Variants in ZNF804B observed in about 807,000 individuals in gnomAD.
ZNF804B encodes the protein zinc finger protein 804B, also known as zinc finger 804B.
A neutral mutation model predicts 101.4 loss-of-function variants in ZNF804B; 80 were observed. The ratio of observed to expected loss-of-function variants is 0.79; its 90% CI spans 0.66 to 0.95. The LOEUF (loss-of-function observed/expected upper bound fraction) is 0.95, where lower values mean the gene tolerates loss of function less well. Among genes scored for constraint, ZNF804B ranks in the 40% least tolerant of loss-of-function variants. ZNF804B has a pLI of 0.00. For missense variants in ZNF804B, 1,673 were observed against 1,561.9 expected (o/e 1.07, Z -1.20); for synonymous variants, 622 against 558.8 (o/e 1.11, Z -1.59).
chr7:88,997,635 G>T (rs956514287), intron 1 of ZNF804B, among the ~76,000 whole-genome samples: 4 of 151,942 alleles, frequency 2.6e-5, no homozygotes, highest in Non-Finnish European at 5.9e-5. Context: ...TACTGGCAGG[G>T]GCAGCCACCT....
intron 1 of ZNF804B, among the ~76,000 whole-genome samples, chr7:88,861,596 T>C (rs1433193571): frequency 6.6e-6 from 1 of 152,214 alleles, no homozygotes; most frequent in Admixed American, 6.5e-5. Context: ...ATCTGTCACA[T>C]TTTCTACTGT....
At position 89,063,736 on chromosome 7, in the gene ZNF804B, A is replaced by G. The variant is rs376769566; in HGVS notation, c.109-154419A>G. 1.6e-4 allele frequency among the ~76,000 whole-genome samples: 25 copies of G among 152,290 alleles called. No individual in the cohort carries two copies. In the East Asian group the frequency reaches 4.4e-3, roughly 27 times the overall value. On this transcript the variant is annotated intron_variant, in intron 1 of 3. Transcript: ENST00000333190. Reference sequence around the variant, plus strand: ...TCTGCATCAGTGGAGGAAGTCCCCAATATTTAATTCAGTCACCCATTCATT... The same window carrying G: ...TCTGCATCAGTGGAGGAAGTCCCCAGTATTTAATTCAGTCACCCATTCATT...
At chr7:88,925,059 T>C (rs1158777103) in intron 1 of ZNF804B, among the ~76,000 whole-genome samples, 3 of 152,196 alleles carry the variant, frequency 2.0e-5, no homozygotes, top group African/African-American at 7.2e-5. Flanking sequence ...CAAATCTTTG[T>C]TTGTAGTAAT....
chr7:88,781,197 T>C (rs969042169), intron 1 of ZNF804B, among the ~76,000 whole-genome samples: 2 of 152,236 alleles, frequency 1.3e-5, no homozygotes, highest in African/African-American at 4.8e-5. Flanking sequence ...TTCACATTAT[T>C]ATTGAAGAAT....
intron 1 of ZNF804B, among the ~76,000 whole-genome samples, chr7:88,838,663 G>A (rs1218263392): frequency 4.0e-5 from 6 of 151,712 alleles, no homozygotes; most frequent in Non-Finnish European, 7.4e-5. Context: ...GTAAGAGCAG[G>A]GGCTCAGACT....
intron 1 of ZNF804B, among the ~76,000 whole-genome samples, chr7:89,058,103 T>C (rs1789324614): frequency 2.0e-5 from 3 of 152,146 alleles, no homozygotes; most frequent in African/African-American, 7.2e-5. Flanking sequence ...TCATTAACTT[T>C]GATTACACTC....
At chr7:88,881,381 G>A (rs967184093) in intron 1 of ZNF804B, among the ~76,000 whole-genome samples, 1 of 151,892 alleles carries the variant, frequency 6.6e-6, no homozygotes, top group African/African-American at 2.4e-5. Context: ...TTTCTTCTAG[G>A]TGCCCACCCC....
At chr7:88,768,889 G>A (rs893116972) in intron 1 of ZNF804B, among the ~76,000 whole-genome samples, 4 of 152,116 alleles carry the variant, frequency 2.6e-5, no homozygotes, top group Non-Finnish European at 4.4e-5. Flanking sequence ...TCCTATTTTC[G>A]AATTCTAGTT....
intron 1 of ZNF804B, among the ~76,000 whole-genome samples, chr7:89,145,361 A>G (rs1259660231): frequency 6.6e-6 from 1 of 152,060 alleles, no homozygotes; most frequent in Non-Finnish European, 1.5e-5. Flanking sequence ...ACAATAATAT[A>G]AACAGTAAGG....
At chr7:88,825,986 T>A (rs1423422190) in intron 1 of ZNF804B, among the ~76,000 whole-genome samples, 1 of 152,152 alleles carries the variant, frequency 6.6e-6, no homozygotes, top group Non-Finnish European at 1.5e-5. Context: ...AACCAGCAAA[T>A]CTTCTGTGAA....
chr7:89,296,905 C>G (rs1055877617), intron 2 of ZNF804B, among the ~76,000 whole-genome samples: 1 of 152,046 alleles, frequency 6.6e-6, no homozygotes, highest in Non-Finnish European at 1.5e-5. Flanking sequence ...TTCATGTCAA[C>G]TATTTTAATA....
At chr7:88,781,138 G>A (rs73198631) in intron 1 of ZNF804B, among the ~76,000 whole-genome samples, 4 of 151,982 alleles carry the variant, frequency 2.6e-5, no homozygotes, top group African/African-American at 4.8e-5. Flanking sequence ...AAATTCCTTC[G>A]TATGTATATT....
At chr7:89,060,264 A>G (rs998373255) in intron 1 of ZNF804B, among the ~76,000 whole-genome samples, 5 of 152,250 alleles carry the variant, frequency 3.3e-5, no homozygotes, top group Admixed American at 1.3e-4. Context: ...GAAGAGCCCT[A>G]ATTCAGATTT....
intron 1 of ZNF804B, among the ~76,000 whole-genome samples, chr7:89,108,544 C>A (rs1790169273): frequency 6.6e-6 from 1 of 152,132 alleles, no homozygotes; most frequent in Non-Finnish European, 1.5e-5. Context: ...TTTGAACAAT[C>A]TCACAGGTCA....
chr7:89,005,092 G>A lies in ZNF804B; in HGVS notation c.109-213063G>A, dbSNP rs549277129. 4.6e-5 allele frequency among the ~76,000 whole-genome samples: 7 copies of A among 151,838 alleles called. No homozygotes were observed. The South Asian group carries it at 1.5e-3, about 32-fold the overall frequency. On this transcript the variant is annotated intron_variant, in intron 1 of 3. Transcript: ENST00000333190. ...TTCATCTTTTCTTACTAATCCTTTTGGCTTGACTGCATTCTAAAGTAATAT... is the reference window on the plus strand; with the variant it reads ...TTCATCTTTTCTTACTAATCCTTTTAGCTTGACTGCATTCTAAAGTAATAT...
At chr7:89,090,093 C>G (rs1789860562) in intron 1 of ZNF804B, among the ~76,000 whole-genome samples, 1 of 152,028 alleles carries the variant, frequency 6.6e-6, no homozygotes, top group Non-Finnish European at 1.5e-5. Flanking sequence ...TTTCCAACAT[C>G]TAATTGCAAT....
chr7:89,048,899 G>C (rs1789155131), intron 1 of ZNF804B, among the ~76,000 whole-genome samples: 1 of 151,908 alleles, frequency 6.6e-6, no homozygotes, highest in African/African-American at 2.4e-5. Context: ...AGAAGGCAAA[G>C]TAGGGTCTTA....
intron 2 of ZNF804B, among the ~76,000 whole-genome samples, chr7:89,229,295 G>A (rs58505832): frequency 0.24 from 36,342 of 152,114 alleles, 4,589 homozygotes; most frequent in Non-Finnish European, 0.27. Context: ...CCTCTCAATA[G>A]TTCACAAAAA....
intron 2 of ZNF804B, among the ~76,000 whole-genome samples, chr7:89,307,022 C>A (rs1584116541): frequency 6.6e-6 from 1 of 152,056 alleles, no homozygotes; most frequent in East Asian, 1.9e-4. Context: ...TGTTTACACT[C>A]CCAAGAGTAA....
Sources: gnomAD v4.1 joint callset for allele counts (sites outside exome capture counted in the v4.1 genomes callset) on GRCh38, gnomAD v4.1.1 for gene constraint, MANE v1.5 for transcripts, NCBI Gene and HGNC (gene_info 2026-07-23, HGNC 2026-07-21) for gene names.